The following PTPRG variants were observed in gnomAD, a reference collection of about 807,000 sequenced individuals.
The protein encoded by PTPRG is protein tyrosine phosphatase receptor type G.
Under a neutral mutation model 165.3 loss-of-function variants are expected in PTPRG, and 102 were observed. The observed-to-expected ratio is 0.62, with a 90% CI of 0.53 to 0.73. PTPRG has a LOEUF of 0.73. PTPRG is among the 30% of genes least tolerant of loss of function. PTPRG has a pLI of 0.00. For synonymous variants in PTPRG, 675 were observed against 669.5 expected, an observed-to-expected ratio of 1.01 and a Z score of -0.13; for missense variants, 1,866 against 1,861.4, an observed-to-expected ratio of 1.00 and a Z score of -0.05.
intron 2 of PTPRG, among the ~76,000 whole-genome samples, chr3:61,868,481 C>G (rs773115677): frequency 9.2e-5 from 14 of 152,206 alleles, no homozygotes; most frequent in Non-Finnish European, 1.6e-4. Flanking sequence ...TCCAACCTGC[C>G]TTGAGCCTGG....
intron 3 of PTPRG, among the ~76,000 whole-genome samples, chr3:61,991,460 C>G (rs372115534): frequency 3.4e-4 from 52 of 152,316 alleles, no homozygotes; most frequent in African/African-American, 1.2e-3. Flanking sequence ...CTCGCCTCGA[C>G]CTCCCAAAGT....
chr3:62,045,179 T>G (rs1700249929), intron 4 of PTPRG, among the ~76,000 whole-genome samples: 3 of 152,162 alleles, frequency 2.0e-5, no homozygotes, highest in Non-Finnish European at 1.5e-5. Flanking sequence ...GCAAACCGTC[T>G]TAGGTTGAAT....
Position 62,069,904 on chromosome 3 carries a change from C to T in PTPRG, c.520-8259C>T, listed in dbSNP as rs555686131. ...CAGCTGATTGCATGAGACCCACCCA[C>T]ATTATAGAGGGTAATCAGCTTTACT... On this transcript the variant is annotated intron_variant, in intron 4 of 29. Transcript: ENST00000474889. Among the ~76,000 whole-genome samples, 12 of 152,276 alleles carry T rather than the reference C, an allele frequency of 7.9e-5. No individual in the cohort carries two copies. The South Asian group carries it at 2.5e-3, about 32-fold the overall frequency.
chr3:62,021,088 C>G lies in PTPRG; in HGVS notation c.519+17591C>G, dbSNP rs1453152793. Among the ~76,000 whole-genome samples the G allele has an allele frequency of 3.3e-5, 5 of 151,988 alleles. No individual in the cohort carries two copies. In the South Asian group the frequency reaches 6.2e-4, roughly 19 times the overall value. On this transcript the variant is annotated intron_variant, in intron 4 of 29. Coordinates refer to ENST00000474889, the MANE Select transcript of PTPRG (RefSeq NM_002841.4). Reference sequence around the variant, plus strand: ...ACTCTGGTCATCTGTTGAACTTGTTCCCTCATCAGTAAAATGACTTTTAAT... The same window carrying G: ...ACTCTGGTCATCTGTTGAACTTGTTGCCTCATCAGTAAAATGACTTTTAAT...
intron 1 of PTPRG, among the ~76,000 whole-genome samples, chr3:61,695,526 G>T (rs936656460): frequency 6.6e-6 from 1 of 152,184 alleles, no homozygotes; most frequent in Non-Finnish European, 1.5e-5. Context: ...AAGGATTTCT[G>T]TTCCCTTTCT....
chr3:61,847,117 C>A (rs1374335977), intron 2 of PTPRG, among the ~76,000 whole-genome samples: 2 of 152,112 alleles, frequency 1.3e-5, no homozygotes, highest in Admixed American at 1.3e-4. Flanking sequence ...AAGTGACCTT[C>A]TTTGGAAATA....
At chr3:62,292,843 T>C in intron 29 of PTPRG, 1 of 473,580 alleles carries the variant, frequency 2.1e-6, no homozygotes. Flanking sequence ...CTTTAGAGGA[T>C]AGTATTCTCT....
At chr3:61,579,395 TCTG>T (rs938812150) in intron 1 of PTPRG, among the ~76,000 whole-genome samples, 1 of 152,198 alleles carries the variant, frequency 6.6e-6, no homozygotes, top group Non-Finnish European at 1.5e-5. Flanking sequence ...ATCCTGAAAT[TCTG>T]CTGCTATTCC....
chr3:61,658,144 T>C (rs753598716), intron 1 of PTPRG, among the ~76,000 whole-genome samples: 10 of 152,212 alleles, frequency 6.6e-5, no homozygotes, highest in Non-Finnish European at 1.3e-4. Flanking sequence ...TTCAGGTCAT[T>C]GTTCTGGCAC....
At position 62,229,251 on chromosome 3, in the gene PTPRG, T is replaced by C. The variant is rs1291450319; in HGVS notation, c.2289-1974T>C. 6.6e-6 allele frequency among the ~76,000 whole-genome samples: 1 copy of C among 152,124 alleles called. No individual in the cohort carries two copies. Among genetic ancestry groups the C allele is most frequent in the East Asian group, 1.9e-4 (1 of 5,190 alleles). On this transcript the variant is annotated intron_variant, in intron 13 of 29. Transcript: ENST00000474889. The surrounding 1 kb of genome is among the most constrained non-coding windows in gnomAD (Gnocchi z 4.6). ...GGAGGTGGTCACCCCTTTTTTTCTT[T>C]CTCTATGTGCCTGTGCTGGGAGATC... is the stretch of plus-strand genomic sequence containing the variant.
chr3:61,954,552 G>A (rs1435140722), intron 2 of PTPRG, among the ~76,000 whole-genome samples: 1 of 152,104 alleles, frequency 6.6e-6, no homozygotes, highest in Admixed American at 6.5e-5. Context: ...GAGATTCGTG[G>A]GGAGACGTTT....
intron 28 of PTPRG, among the ~76,000 whole-genome samples, chr3:62,289,273 T>C (rs1702783999): frequency 6.6e-6 from 1 of 152,206 alleles, no homozygotes; most frequent in African/African-American, 2.4e-5. Flanking sequence ...TAAATACCTA[T>C]AAGAGAACAT....
At chr3:61,978,720 G>GA (rs1369231743) in intron 2 of PTPRG, among the ~76,000 whole-genome samples, 1 of 152,202 alleles carries the variant, frequency 6.6e-6, no homozygotes, top group Non-Finnish European at 1.5e-5. Flanking sequence ...TGTAAGGGCA[G>GA]ATGATAAATA....
chr3:61,718,213 C>CAAAAAAAAAAAAAAAAA (rs376955925), intron 1 of PTPRG, among the ~76,000 whole-genome samples: 1 of 102,444 alleles, frequency 9.8e-6, no homozygotes, highest in Non-Finnish European at 2.1e-5. Context: ...AAACAAAAAC[C>CAAAAAAAAAAAAAAAAA]AAAAAAAAAA....
chr3:61,584,635 C>T lies in PTPRG; in HGVS notation c.85+22263C>T, dbSNP rs547954372. On this transcript the variant is annotated intron_variant, in intron 1 of 29. Coordinates refer to ENST00000474889, the MANE Select transcript of PTPRG (RefSeq NM_002841.4). ...CAAAATGCATTAATTTTTCATTGTA[C>T]GAGTTTGCTTATGTTATCCCGCTTT... Among the ~76,000 whole-genome samples the T allele has an allele frequency of 8.0e-4, 118 of 148,202 alleles. 1 individual carries two copies. The highest frequency in any genetic ancestry group is 2.7e-3 in the African/African-American group (107 of 40,256).
At chr3:61,868,159 C>A (rs1444004059) in intron 2 of PTPRG, among the ~76,000 whole-genome samples, 1 of 152,202 alleles carries the variant, frequency 6.6e-6, no homozygotes. Flanking sequence ...TATGTGAAGG[C>A]TGTGGATTGA....
At chr3:62,108,238 G>GCTGTATCCA (rs1341532585) in intron 5 of PTPRG, among the ~76,000 whole-genome samples, 1 of 139,424 alleles carries the variant, frequency 7.2e-6, no homozygotes, top group Non-Finnish European at 1.5e-5. Flanking sequence ...ATATTTCCCC[G>GCTGTATCCA]CTGTATCCAT....
chr3:61,776,481 C>T lies in PTPRG; in HGVS notation c.190+27499C>T, dbSNP rs556416986. Among the ~76,000 whole-genome samples, 274 of 152,264 alleles carry T rather than the reference C, an allele frequency of 1.8e-3. 1 individual carries two copies. Among genetic ancestry groups the T allele is most frequent in the South Asian group, 8.9e-3 (43 of 4,826 alleles). On this transcript the variant is annotated intron_variant, in intron 2 of 29. Transcript: ENST00000474889. The stretch of plus-strand genomic sequence containing the variant: ...GCTTATGGTAAGAACCCGTTTGTGT[C>T]TGTTGTTAATTATTTTCTCTTGGTC...
At chr3:61,738,286 A>ATGTG (rs1559583202) in intron 1 of PTPRG, among the ~76,000 whole-genome samples, 40 of 70,750 alleles carry the variant, frequency 5.7e-4, no homozygotes, top group African/African-American at 8.4e-4. Context: ...ATACATATAT[A>ATGTG]TATATATATA....
Sources: allele counts gnomAD v4.1 joint callset (sites outside exome capture counted in the v4.1 genomes callset), GRCh38; gene constraint gnomAD v4.1.1; non-coding constraint Gnocchi (gnomAD v3.1); transcripts MANE v1.5; gene names NCBI Gene and HGNC (gene_info 2026-07-23, HGNC 2026-07-21).